The following DOCK11 variants were observed in gnomAD, a reference collection of about 807,000 sequenced individuals.
DOCK11 encodes dedicator of cytokinesis protein 11.
DOCK11 carries 70 observed loss-of-function variants against 169.1 expected under a neutral mutation model. The observed-to-expected ratio is 0.41, with a 90% CI of 0.34 to 0.51. DOCK11 has a LOEUF of 0.51. Ranked by LOEUF, DOCK11 falls within the 20% of genes least tolerant of loss-of-function variation. The probability of loss-of-function intolerance (pLI) is 0.10; values close to 1 mark genes in which losing one functional copy is unlikely to be tolerated. For synonymous variants in DOCK11, 529 were observed against 541.3 expected (o/e 0.98, Z 0.32); for missense variants, 1,166 against 1,538.8 (o/e 0.76, Z 4.05).
intron 32 of DOCK11, among the ~76,000 whole-genome samples, chrX:118,626,225 C>T (rs1044143122): frequency 8.3e-5 from 8 of 96,056 alleles, no homozygotes; most frequent in Non-Finnish European, 1.5e-4. Context: ...GCCACCACGC[C>T]CGGCTAATTT....
In DOCK11 at chrX:118,685,766, A is replaced by G. The variant is rs1431135711; in HGVS notation, c.6181A>G (p.Ser2061Gly). 8.3e-7 allele frequency: 1 copy of G among 1,211,917 alleles called. No individual in the cohort carries two copies. Among genetic ancestry groups the G allele is most frequent in the Non-Finnish European group, 1.1e-6 (1 of 895,456 alleles). Residue 2061 changes from serine to glycine, a missense_variant, in exon 53 of 53, where the codon AGT (serine) becomes GGT (glycine). Coordinates refer to ENST00000276202, the MANE Select transcript of DOCK11 (RefSeq NM_144658.4). ...ATTTTGTGCAATTAGTGGTACATCA[A>G]GTGACCGAGGTTATGGTTCCCCAAG... ...HVFCAISGTSSDRGYGSPRYA... is the reference protein window; with the variant it reads ...HVFCAISGTSGDRGYGSPRYA...
chrX:118,539,769 G>A (rs1360163468), intron 1 of DOCK11, among the ~76,000 whole-genome samples: 1 of 110,319 alleles, frequency 9.1e-6, no homozygotes, highest in East Asian at 2.8e-4. Context: ...GCTGAAGGAG[G>A]GCCAGGCATG....
At position 118,644,700 on chromosome X, in the gene DOCK11, G is replaced by A. The variant is rs149921825; in HGVS notation, c.4398+1106G>A. On this transcript the variant is annotated intron_variant, in intron 40 of 52. Coordinates refer to ENST00000276202, the MANE Select transcript of DOCK11 (RefSeq NM_144658.4). ...TTAGCAAAAGTTTTTCTGCAGCAAC[G>A]GAGCTAGGATTTAATATGGATTCAC... Among the ~76,000 whole-genome samples, 895 of 111,665 alleles carry A rather than the reference G, an allele frequency of 8.0e-3. 6 individuals carry two copies. Among genetic ancestry groups the A allele is most frequent in the Admixed American group, 0.023 (245 of 10,482 alleles).
rs774668031 is a variant in DOCK11, at chrX:118,578,620, C to T, written c.1485C>T (p.Pro495=). 1.5e-5 allele frequency: 18 copies of T among 1,199,440 alleles called. No individual in the cohort carries two copies. In the East Asian group the frequency reaches 5.1e-4, roughly 34 times the overall value. The change falls in exon 13 of 53, where the codon CCC becomes CCT. Residue 495 remains proline, a synonymous_variant. Coordinates refer to ENST00000276202, the MANE Select transcript of DOCK11 (RefSeq NM_144658.4). The part of the protein sequence containing the change: ...LQGNITHCAE[P]YIKNSDPVKT... ...GAAACATTACACACTGTGCAGAACCCTATATCAAAAATTCTGATCCAGTAA... is the reference window on the plus strand; with the variant it reads ...GAAACATTACACACTGTGCAGAACCTTATATCAAAAATTCTGATCCAGTAA...
intron 46 of DOCK11, among the ~76,000 whole-genome samples, chrX:118,671,511 G>A (rs1359579024): frequency 1.8e-5 from 2 of 111,561 alleles, no homozygotes; most frequent in African/African-American, 3.3e-5. Context: ...AATATGTACA[G>A]TTATTATGTG....
Position 118,564,188 on chromosome X carries a change from G to A in DOCK11, c.694-1817G>A, listed in dbSNP as rs776644746. 3.6e-5 allele frequency among the ~76,000 whole-genome samples: 4 copies of A among 112,473 alleles called. No individual in the cohort carries two copies. The East Asian group carries it at 1.1e-3, about 31-fold the overall frequency. On this transcript the variant is annotated intron_variant, in intron 7 of 52. Coordinates refer to ENST00000276202, the MANE Select transcript of DOCK11 (RefSeq NM_144658.4). ...GATCCGCTCACCTCAGCCACCCAAA[G>A]TGCTGGGATTACAGGCGTGAGCCGC...
chrX:118,522,423 A>G (rs906757327), intron 1 of DOCK11, among the ~76,000 whole-genome samples: 1 of 112,300 alleles, frequency 8.9e-6, no homozygotes, highest in African/African-American at 3.2e-5. Flanking sequence ...TTAGCAGCTT[A>G]AAATAACACA....
chrX:118,673,026 T>C (rs2016523323), intron 46 of DOCK11, among the ~76,000 whole-genome samples: 1 of 111,348 alleles, frequency 9.0e-6, no homozygotes. Flanking sequence ...CAAAACCAGA[T>C]TTGCCATTAC....
intron 31 of DOCK11, 83 bp from the exon 32 acceptor site, chrX:118,624,456 A>T: frequency 1.7e-6 from 1 of 581,693 alleles, no homozygotes; most frequent in Non-Finnish European, 2.8e-6. Context: ...TTTAGTCTTT[A>T]AATTGATATA....
chrX:118,507,668 A>G (rs1196845199), intron 1 of DOCK11, among the ~76,000 whole-genome samples: 2 of 111,913 alleles, frequency 1.8e-5, no homozygotes, highest in African/African-American at 3.3e-5. Context: ...AAATGGTGAC[A>G]AGACCTTGAG....
chrX:118,668,101 T>C (rs1048401492), intron 45 of DOCK11, among the ~76,000 whole-genome samples: 3 of 112,018 alleles, frequency 2.7e-5, no homozygotes, highest in African/African-American at 9.7e-5. Context: ...TCCTGTATGC[T>C]TTTTCTCTTT....
Position 118,683,119 on chromosome X carries a change from G to A in DOCK11, c.6004G>A (p.Glu2002Lys). Reference sequence around the variant, plus strand: ...ATGCAGCATTGCACTTGAACTAAATGAGCGGCTAATTAAAGAAGATCAAGT... The same window carrying A: ...ATGCAGCATTGCACTTGAACTAAATAAGCGGCTAATTAAAGAAGATCAAGT... ...QACSIALELN[E>K]RLIKEDQVEY... Residue 2002 changes from glutamate to lysine, a missense_variant, in exon 52 of 53, where the codon GAG becomes AAG. Coordinates refer to ENST00000276202, the MANE Select transcript of DOCK11 (RefSeq NM_144658.4). 1 of 1,210,109 alleles carries A rather than the reference G, an allele frequency of 8.3e-7. No homozygotes were observed. The highest frequency in any genetic ancestry group is 1.8e-5 in the South Asian group (1 of 56,726).
chrX:118,661,114 C>A (rs1178056143), intron 44 of DOCK11, among the ~76,000 whole-genome samples: 1 of 105,873 alleles, frequency 9.4e-6, no homozygotes, highest in Non-Finnish European at 1.9e-5. Context: ...GAGGCTGAGG[C>A]AGAAGGATGG....
At chrX:118,570,903 G>T (rs2160048) in intron 10 of DOCK11, among the ~76,000 whole-genome samples, 37,237 of 110,770 alleles carry the variant, frequency 0.34, 4,716 homozygotes, top group East Asian at 0.54. Flanking sequence ...GAGAGACAGA[G>T]TCCTCCCCTA....
chrX:118,561,294 G>T, intron 6 of DOCK11, 89 bp from the exon 7 acceptor site: 1 of 924,739 alleles, frequency 1.1e-6, no homozygotes, highest in South Asian at 3.6e-5. Flanking sequence ...CAATTGCCTG[G>T]CAAGCTTTTG....
intron 1 of DOCK11, among the ~76,000 whole-genome samples, chrX:118,513,618 TA>T (rs1416803550): frequency 5.4e-5 from 6 of 110,156 alleles, no homozygotes; most frequent in Non-Finnish European, 1.1e-4. Flanking sequence ...TCTCAAATTT[TA>T]AAAAAAAGTG....
chrX:118,521,645 GA>G (rs2011269781), intron 1 of DOCK11, among the ~76,000 whole-genome samples: 1 of 112,499 alleles, frequency 8.9e-6, no homozygotes, highest in Non-Finnish European at 1.9e-5. Context: ...GCAATAGTCA[GA>G]AGGAAAGTAT....
At chrX:118,619,736 T>A (rs1011274144) in intron 31 of DOCK11, among the ~76,000 whole-genome samples, 9 of 110,094 alleles carry the variant, frequency 8.2e-5, no homozygotes, top group Non-Finnish European at 1.5e-4. Flanking sequence ...TGGGTGTGGC[T>A]ATAAATTTTA....
chrX:118,647,739 T>A (rs1250778036), intron 40 of DOCK11, among the ~76,000 whole-genome samples: 7 of 52,559 alleles, frequency 1.3e-4, no homozygotes, highest in Non-Finnish European at 1.8e-4. Context: ...TATAATATAA[T>A]ATAATATATA....
Sources: gnomAD v4.1 joint callset for allele counts (sites outside exome capture counted in the v4.1 genomes callset) on GRCh38, gnomAD v4.1.1 for gene constraint, MANE v1.5 for transcripts, NCBI Gene and HGNC (gene_info 2026-07-23, HGNC 2026-07-21) for gene names.